Variants in UTP20 observed in about 807,000 individuals in gnomAD.
The protein encoded by UTP20 is UTP20 small subunit processome component.
Under a neutral mutation model 329.5 loss-of-function variants are expected in UTP20, and 164 were observed. The ratio of observed to expected loss-of-function variants is 0.50; its 90% CI spans 0.44 to 0.57. The LOEUF (loss-of-function observed/expected upper bound fraction) is 0.57. UTP20 is among the 20% of genes least tolerant of loss of function. UTP20 has a pLI of 0.00. For missense variants in UTP20, 3,055 were observed against 3,284.2 expected, an observed-to-expected ratio of 0.93 and a Z score of 1.71; for synonymous variants, 1,151 against 1,159.3, an observed-to-expected ratio of 0.99 and a Z score of 0.14.
At chr12:101,298,048 C>G (rs1397171290) in intron 12 of UTP20, among the ~76,000 whole-genome samples, 2 of 152,048 alleles carry the variant, frequency 1.3e-5, no homozygotes, top group African/African-American at 4.8e-5. Flanking sequence ...TTGAATATTA[C>G]TAGTAACACT....
rs2137264395 is a variant in UTP20, at chr12:101,326,384, G to A, written c.3042-697G>A. ...AAAGACTGTTTCCCTCTTTCTCTCT[G>A]CTATGAAACTTCATAGCATAGAAAT... On this transcript the variant is annotated intron_variant, in intron 25 of 61. Transcript: ENST00000261637. Among the ~76,000 whole-genome samples, 2 of 152,122 alleles carry A rather than the reference G, an allele frequency of 1.3e-5. 1 individual carries two copies. The highest frequency in any genetic ancestry group is 6.8e-3 in the Middle Eastern group (2 of 294).
intron 45 of UTP20, among the ~76,000 whole-genome samples, chr12:101,364,959 T>G (rs1447801522): frequency 3.3e-5 from 5 of 152,178 alleles, no homozygotes; most frequent in Non-Finnish European, 2.9e-5. Context: ...CTGATCCTGG[T>G]TCCCATTAGG....
rs1363815189 is a variant in UTP20 at position 101,300,035 on chromosome 12, C to A, written c.1649C>A (p.Thr550Asn). The change falls in exon 14 of 62, where the codon ACT becomes AAT. Residue 550 changes from threonine to asparagine, a missense_variant. Thr to Asn is a moderately conservative substitution (Grantham distance 65, BLOSUM62 0). Transcript: ENST00000261637. ...VTGFIEALFM[T>N]VDKGSFGKGN... ...GGCTTCATAGAGGCACTCTTCATGA[C>A]TGTTGACAAAGGAAGCTTTGGGAAA... is the stretch of plus-strand genomic sequence containing the variant. The A allele has an allele frequency of 6.2e-7, 1 of 1,614,170 alleles. No individual in the cohort carries two copies. Among genetic ancestry groups the A allele is most frequent in the Admixed American group, 1.7e-5 (1 of 60,034 alleles).
In UTP20 at chr12:101,280,303, C is replaced by G. The variant is rs770921321; in HGVS notation, c.21C>G (p.Ser7=). The change falls in exon 1 of 62, where the codon TCC becomes TCG. Residue 7 remains serine (S), a synonymous_variant. Coordinates refer to ENST00000261637, the MANE Select transcript of UTP20 (RefSeq NM_014503.3). ...CAGCCATGAAGACAAAGCCCGTTTC[C>G]CACAAGACCGAGAACACCTACCGGG... MKTKPV[S]HKTENTYRFL... is the part of the protein sequence containing the mutation. 2 of 1,551,762 alleles carry G rather than the reference C, an allele frequency of 1.3e-6. No individual in the cohort carries two copies. Among genetic ancestry groups the G allele is most frequent in the South Asian group, 2.4e-5 (2 of 84,066 alleles).
chr12:101,346,357 T>C, intron 37 of UTP20, 94 bp from the exon 38 acceptor site: 3 of 1,440,206 alleles, frequency 2.1e-6, no homozygotes, highest in Non-Finnish European at 2.8e-6. Context: ...GCCACTCCTT[T>C]AATCTTTTTA....
intron 47 of UTP20, 31 bp from the exon 48 acceptor site, chr12:101,367,826 AACT>A: frequency 7.1e-7 from 1 of 1,410,756 alleles, no homozygotes; most frequent in Non-Finnish European, 1.0e-6. Context: ...TCTAATGGGC[AACT>A]AATGTGAAAT....
intron 12 of UTP20, among the ~76,000 whole-genome samples, chr12:101,295,987 G>A (rs187117309): frequency 1.1e-4 from 17 of 152,250 alleles, no homozygotes; most frequent in Non-Finnish European, 8.8e-5. Flanking sequence ...GTAGATTCAC[G>A]TGCAGTTGCA....
At chr12:101,372,131 A>G (rs1031500773) in intron 51 of UTP20, among the ~76,000 whole-genome samples, 7 of 152,240 alleles carry the variant, frequency 4.6e-5, no homozygotes, top group Admixed American at 2.0e-4. Context: ...CTTTAAATGC[A>G]TGACCTCTGT....
chr12:101,292,272 G>T (rs1420512409), intron 10 of UTP20, among the ~76,000 whole-genome samples, 168 bp downstream of exon 10: 1 of 152,116 alleles, frequency 6.6e-6, no homozygotes, highest in Non-Finnish European at 1.5e-5. Flanking sequence ...ACAAAATAAA[G>T]TGTGATAAAA....
rs772510627 is a variant in UTP20, at chr12:101,286,306, CT to C, written c.327-8del. ...AAAAAATCCACATGATCAGTTGCTT[CT>C]TTTTTTAATCCAGTTTGGTTGTACA... On this transcript the variant is annotated splice_polypyrimidine_tract_variant and intron_variant, in intron 4 of 61. Transcript: ENST00000261637. The C allele has an allele frequency of 1.3e-6, 2 of 1,550,124 alleles. No homozygotes were observed. Among genetic ancestry groups the C allele is most frequent in the South Asian group, 1.3e-5 (1 of 78,852 alleles).
intron 6 of UTP20, 115 bp downstream of exon 6, chr12:101,289,156 C>CG: frequency 1.2e-6 from 1 of 850,678 alleles, no homozygotes; most frequent in Non-Finnish European, 1.8e-6. Context: ...GCAGGTGGAT[C>CG]ACCTGAGGTC....
At chr12:101,342,912 TTATA>T (rs746955983) in intron 34 of UTP20, 25 bp from the exon 35 acceptor site, 2 of 1,609,606 alleles carry the variant, frequency 1.2e-6, no homozygotes, top group South Asian at 2.2e-5. Context: ...ATGCCTTCTT[TTATA>T]TAACTTCAAT....
At position 101,370,467 on chromosome 12, in the gene UTP20, C is replaced by A; in HGVS notation, c.6591C>A (p.Tyr2197Ter). 1 of 1,613,906 alleles carries A rather than the reference C, an allele frequency of 6.2e-7. No homozygotes were observed. The highest frequency in any genetic ancestry group is 8.5e-7 in the Non-Finnish European group (1 of 1,179,912). Residue 2197 changes from tyrosine (Y) to a stop codon, truncating the protein, a stop_gained, in exon 50 of 62, where the codon TAC becomes TAA. Coordinates refer to ENST00000261637, the MANE Select transcript of UTP20 (RefSeq NM_014503.3). LOFTEE classifies it high-confidence loss of function. ...TACTTGTCAAGAAAGTCAAGTCTTA[C>A]CAGATAACTGAAAAACAGCTCCAAG... ...VTILVKKVKS[Y>*]QITEKQLQVL...
At chr12:101,314,667 AAAG>A (rs1417930421) in intron 21 of UTP20, among the ~76,000 whole-genome samples, 1 of 151,608 alleles carries the variant, frequency 6.6e-6, no homozygotes, top group Non-Finnish European at 1.5e-5. Context: ...CAAAAAAAAA[AAAG>A]AAGCTCAAGA....
chr12:101,338,783 A>AAAATC (rs758375916), intron 30 of UTP20, 30 bp from the exon 31 acceptor site: 3 of 1,557,290 alleles, frequency 1.9e-6, no homozygotes, highest in Admixed American at 4.2e-5. Context: ...AGAGTTTATT[A>AAAATC]AAATCAAATC....
In UTP20 at chr12:101,333,108, C is replaced by G. The variant is rs140854593; in HGVS notation, c.3418-193C>G. The stretch of plus-strand genomic sequence containing the variant: ...GCAGTGATATTGTTTTAAGACTCTG[C>G]TTTCTTTTCTTGTTCAATGAGAAAA... On this transcript the variant is annotated intron_variant, in intron 27 of 61. Transcript: ENST00000261637. Among the ~76,000 whole-genome samples the G allele has an allele frequency of 4.2e-3, 646 of 152,274 alleles. 4 individuals carry two copies. The highest frequency in any genetic ancestry group is 0.015 in the African/African-American group (619 of 41,554).
At chr12:101,311,981 C>T in intron 20 of UTP20, 55 bp from the exon 21 acceptor site, 1 of 1,608,440 alleles carries the variant, frequency 6.2e-7, no homozygotes, top group Non-Finnish European at 8.5e-7. Flanking sequence ...TGAGAAAACA[C>T]TTAAGATAAA....
chr12:101,375,588 G>T, intron 55 of UTP20, 36 bp from the exon 56 acceptor site: 1 of 1,604,568 alleles, frequency 6.2e-7, no homozygotes. Context: ...CTTTCAGATT[G>T]TTGTTTTCAT....
rs1308313002 is a variant in UTP20, at chr12:101,299,913, C to T, written c.1587-60C>T. On this transcript the variant is annotated intron_variant, in intron 13 of 61. Coordinates refer to ENST00000261637, the MANE Select transcript of UTP20 (RefSeq NM_014503.3). ...AATATGTTAGCCATTCCTTGCTGTT[C>T]TCTGAAACAAACCATTGAATGCCAG... is the stretch of plus-strand genomic sequence containing the variant. 6 of 1,608,700 alleles carry T rather than the reference C, an allele frequency of 3.7e-6. No individual in the cohort carries two copies. In the African/African-American group the frequency reaches 8.0e-5, roughly 22 times the overall value.
Sources: allele counts gnomAD v4.1 joint callset (sites outside exome capture counted in the v4.1 genomes callset), GRCh38; gene constraint gnomAD v4.1.1; transcripts MANE v1.5; gene names NCBI Gene and HGNC (gene_info 2026-07-23, HGNC 2026-07-21).